Variants in CSMD3 observed in about 807,000 individuals in gnomAD.
CSMD3 encodes the protein CUB and sushi domain-containing protein 3.
A neutral mutation model predicts 435.2 loss-of-function variants in CSMD3; 177 were observed. The observed-to-expected ratio is 0.41, with a 90% confidence interval of 0.36 to 0.46. The LOEUF (loss-of-function observed/expected upper bound fraction) is 0.46. Among genes scored for constraint, CSMD3 ranks in the 20% least tolerant of loss-of-function variants. CSMD3 has a pLI of 0.34. For synonymous variants in CSMD3, 1,656 were observed against 1,520.5 expected (o/e 1.09, Z -2.07); for missense variants, 4,265 against 4,504.6 (o/e 0.95, Z 1.52).
At chr8:113,090,932 A>G (rs536127260) in intron 5 of CSMD3, among the ~76,000 whole-genome samples, 13 of 152,178 alleles carry the variant, frequency 8.5e-5, no homozygotes, top group African/African-American at 2.9e-4. Context: ...CTTTCAGGAC[A>G]TGATTTTGCC....
intron 5 of CSMD3, among the ~76,000 whole-genome samples, chr8:113,029,385 T>G (rs1222660364): frequency 6.6e-6 from 1 of 151,566 alleles, no homozygotes; most frequent in East Asian, 1.9e-4. Flanking sequence ...AACAAAATAC[T>G]AGCTAATCAA....
chr8:112,997,115 C>T (rs1457234050), intron 6 of CSMD3, among the ~76,000 whole-genome samples: 1 of 151,420 alleles, frequency 6.6e-6, no homozygotes, highest in Non-Finnish European at 1.5e-5. Context: ...ATGAAATGTA[C>T]AGGAGAAAAT....
At chr8:112,561,910 C>A (rs556083551) in intron 24 of CSMD3, among the ~76,000 whole-genome samples, 1 of 151,718 alleles carries the variant, frequency 6.6e-6, no homozygotes, top group East Asian at 1.9e-4. Flanking sequence ...CACACACAAA[C>A]ACATTGTATT....
intron 13 of CSMD3, among the ~76,000 whole-genome samples, chr8:112,702,366 T>C (rs2076406433): frequency 6.6e-6 from 1 of 152,098 alleles, no homozygotes; most frequent in Admixed American, 6.6e-5. Flanking sequence ...ATCAAGAACA[T>C]ACAAAAGTAT....
At chr8:112,286,075 A>T (rs1819169642) in intron 58 of CSMD3, among the ~76,000 whole-genome samples, 1 of 152,258 alleles carries the variant, frequency 6.6e-6, no homozygotes, top group East Asian at 1.9e-4. Context: ...AATTTTACTC[A>T]AACACCCTAG....
intron 10 of CSMD3, among the ~76,000 whole-genome samples, chr8:112,915,869 A>T (rs1297464408): frequency 6.6e-6 from 1 of 151,890 alleles, no homozygotes; most frequent in African/African-American, 2.4e-5. Context: ...GAACTGAGGC[A>T]AATTCTCAGC....
intron 16 of CSMD3, among the ~76,000 whole-genome samples, chr8:112,671,118 A>G (rs2075645553): frequency 6.6e-6 from 1 of 152,066 alleles, no homozygotes; most frequent in Non-Finnish European, 1.5e-5. Flanking sequence ...TAGTGGAAAA[A>G]TAGAATAGTT....
At chr8:112,501,198 C>A (rs894027002) in intron 30 of CSMD3, among the ~76,000 whole-genome samples, 1 of 151,734 alleles carries the variant, frequency 6.6e-6, no homozygotes, top group African/African-American at 2.4e-5. Flanking sequence ...AAACCCTGGG[C>A]ATTTACCTCA....
chr8:112,401,378 C>A (rs891862208), intron 35 of CSMD3, among the ~76,000 whole-genome samples: 1 of 151,728 alleles, frequency 6.6e-6, no homozygotes, highest in Non-Finnish European at 1.5e-5. Context: ...CAGATCATTT[C>A]TCCCATCTAT....
At chr8:113,111,605 C>T (rs542892749) in intron 4 of CSMD3, among the ~76,000 whole-genome samples, 1 of 152,204 alleles carries the variant, frequency 6.6e-6, no homozygotes, top group Admixed American at 6.5e-5. Context: ...TCGATTTGAG[C>T]GTCTACCATT....
At chr8:112,634,607 C>CTT (rs2074605588) in intron 22 of CSMD3, among the ~76,000 whole-genome samples, 1 of 151,776 alleles carries the variant, frequency 6.6e-6, no homozygotes, top group Non-Finnish European at 1.5e-5. Context: ...GATTTGGGTA[C>CTT]GAATAAACCA....
chr8:112,816,644 AT>A (rs2079383859), intron 12 of CSMD3, among the ~76,000 whole-genome samples: 1 of 152,024 alleles, frequency 6.6e-6, no homozygotes, highest in African/African-American at 2.4e-5. Flanking sequence ...TAGGGCCTAG[AT>A]TTTAAAAAAG....
chr8:112,384,663 T>C (rs533088246), intron 36 of CSMD3, among the ~76,000 whole-genome samples: 1 of 152,216 alleles, frequency 6.6e-6, no homozygotes, highest in South Asian at 2.1e-4. Context: ...AAATAGCCCA[T>C]CATTATTCTT....
At chr8:112,405,413 T>G (rs1005690755) in intron 35 of CSMD3, among the ~76,000 whole-genome samples, 1 of 150,728 alleles carries the variant, frequency 6.6e-6, no homozygotes, top group Non-Finnish European at 1.5e-5. Flanking sequence ...TTCCCAGATA[T>G]GTTCTTCGGG....
At chr8:113,303,795 A>T (rs1352004229) in intron 2 of CSMD3, among the ~76,000 whole-genome samples, 1 of 140,208 alleles carries the variant, frequency 7.1e-6, no homozygotes, top group East Asian at 2.4e-4. Context: ...GTTAGACCTA[A>T]AACCATAAAA....
chr8:112,247,225 A>G lies in CSMD3; in HGVS notation c.10111-94T>C, dbSNP rs1270892325. ...GAGTGAGAAAATGTTATCAAGTGAA[A>G]TTCCGTATGGTAAAGTTGGAAGAAA... On this transcript the variant is annotated intron_variant, in intron 63 of 70. Coordinates refer to ENST00000297405, the MANE Select transcript of CSMD3 (RefSeq NM_198123.2). The G allele has an allele frequency of 7.8e-6, 6 of 766,214 alleles. No individual in the cohort carries two copies. In the African/African-American group the frequency reaches 1.0e-4, roughly 13 times the overall value. The allele number at this position is 766,214 out of a possible 1,614,324, so 47.5% of individuals were successfully genotyped here. A position where few individuals can be genotyped will look rare whatever the true frequency, so the allele number is the denominator to read the frequency against.
chr8:112,525,745 T>C (rs1037838588), intron 27 of CSMD3, among the ~76,000 whole-genome samples: 13 of 135,416 alleles, frequency 9.6e-5, no homozygotes, highest in South Asian at 2.3e-4. Flanking sequence ...AAAAACCATA[T>C]ATATACATAT....
intron 2 of CSMD3, among the ~76,000 whole-genome samples, chr8:113,308,974 G>A (rs375452919): frequency 6.6e-6 from 1 of 151,692 alleles, no homozygotes; most frequent in Non-Finnish European, 1.5e-5. Flanking sequence ...TTAGAGACAG[G>A]GTCTGGCTCT....
intron 2 of CSMD3, among the ~76,000 whole-genome samples, chr8:113,293,849 T>C (rs1342551204): frequency 6.6e-6 from 1 of 152,096 alleles, no homozygotes; most frequent in Non-Finnish European, 1.5e-5. Flanking sequence ...AAAATACATA[T>C]AAGAAATAAA....
Sources: gnomAD v4.1 joint callset for allele counts (sites outside exome capture counted in the v4.1 genomes callset) on GRCh38, gnomAD v4.1.1 for gene constraint, MANE v1.5 for transcripts, NCBI Gene and HGNC (gene_info 2026-07-23, HGNC 2026-07-21) for gene names.